SYNE2: variants seen among roughly 807,000 people sequenced by gnomAD.
SYNE2 encodes the protein nesprin-2.
A neutral mutation model predicts 856.3 loss-of-function variants in SYNE2; 431 were observed. The ratio of observed to expected loss-of-function variants is 0.50; its 90% CI spans 0.47 to 0.55. The LOEUF (loss-of-function observed/expected upper bound fraction) is 0.55. SYNE2 is among the 20% of genes least tolerant of loss of function. The pLI is 0.00. For synonymous variants in SYNE2, 2,923 were observed against 2,872.3 expected, an observed-to-expected ratio of 1.02 and a Z score of -0.56; for missense variants, 8,129 against 8,023.2, an observed-to-expected ratio of 1.01 and a Z score of -0.50.
chr14:63,992,998 C>G (rs1279387043), intron 21 of SYNE2, among the ~76,000 whole-genome samples: 3 of 152,208 alleles, frequency 2.0e-5, no homozygotes, highest in Non-Finnish European at 4.4e-5. Context: ...AGGCCCCGAC[C>G]TGTTTTTTTG....
intron 2 of SYNE2, among the ~76,000 whole-genome samples, chr14:63,927,397 G>A (rs1489702195): frequency 2.0e-5 from 3 of 152,100 alleles, no homozygotes; most frequent in Non-Finnish European, 4.4e-5. Flanking sequence ...GTTTGGCCAT[G>A]TCCCCACCCA....
At chr14:64,019,516 T>C (rs72718378) in intron 34 of SYNE2, among the ~76,000 whole-genome samples, 2,146 of 152,338 alleles carry the variant, frequency 0.014, 21 homozygotes, top group Non-Finnish European at 0.022. Flanking sequence ...AACTATGATT[T>C]TCTAAGTATA....
rs1472810431 is a variant in SYNE2, at chr14:63,998,969, A to G, written c.3409A>G (p.Ile1137Val). Residue 1137 changes from isoleucine (I) to valine (V), a missense_variant, in exon 27 of 116, where the codon ATT (isoleucine) becomes GTT (valine). By Grantham distance (29) the Ile-to-Val change is conservative. Coordinates refer to ENST00000555002, the MANE Select transcript of SYNE2 (RefSeq NM_182914.3). Reference protein sequence around the residue: ...EHHLQNNKFRITSDFSSEEDR... With the variant: ...EHHLQNNKFRVTSDFSSEEDR... ...CCACCTGCAAAACAACAAATTCAGG[A>G]TTACTTCTGATTTCTCTAGTGAAGA... The G allele has an allele frequency of 6.2e-7, 1 of 1,613,966 alleles. No individual in the cohort carries two copies. The highest frequency in any genetic ancestry group is 8.5e-7 in the Non-Finnish European group (1 of 1,179,928).
In SYNE2 at chr14:64,090,903, T is replaced by C; in HGVS notation, c.11831T>C (p.Ile3944Thr). The change falls in exon 60 of 116, where the codon ATT becomes ACT. Residue 3944 changes from isoleucine to threonine, a missense_variant. Ile to Thr is a moderately conservative substitution (Grantham distance 89). This residue lies in a region of SYNE2 where 5,410 missense variants were observed against 5,284.8 expected (regional missense o/e 1.02). Coordinates refer to ENST00000555002, the MANE Select transcript of SYNE2 (RefSeq NM_182914.3). The part of the protein sequence containing the change: ...LENIRPMKKT[I>T]AEIVSYQVEL... ...AATATACGTCCCATGAAGAAAACCA[T>C]TGCTGAGATAGTGTCTTACCAAGTG... is the stretch of plus-strand genomic sequence containing the variant. 6.2e-7 allele frequency: 1 copy of C among 1,614,130 alleles called. No homozygotes were observed. Among genetic ancestry groups the C allele is most frequent in the South Asian group, 1.1e-5 (1 of 91,082 alleles).
chr14:63,933,698 C>CT (rs985925040), intron 2 of SYNE2, among the ~76,000 whole-genome samples: 5 of 152,090 alleles, frequency 3.3e-5, no homozygotes, highest in Non-Finnish European at 7.4e-5. Context: ...ATTCCCTTAG[C>CT]TTTTTTACAG....
intron 1 of SYNE2, among the ~76,000 whole-genome samples, chr14:63,869,603 T>C (rs961542316): frequency 2.2e-5 from 3 of 137,586 alleles, no homozygotes; most frequent in Non-Finnish European, 4.5e-5. Flanking sequence ...GCCACTGCAC[T>C]TGAGCCTGGG....
chr14:63,963,963 A>G lies in SYNE2; in HGVS notation c.953A>G (p.Lys318Arg). The G allele has an allele frequency of 6.2e-7, 1 of 1,611,542 alleles. No individual in the cohort carries two copies. Among genetic ancestry groups the G allele is most frequent in the Non-Finnish European group, 8.5e-7 (1 of 1,177,878 alleles). The change falls in exon 10 of 116, where the codon AAG (lysine) becomes AGG (arginine). Residue 318 changes from lysine (K) to arginine (R), a missense_variant. Lys to Arg is a conservative substitution (Grantham distance 26). Transcript: ENST00000555002. ...AAGGAAAAACTACAGAAGTTGCTAA[A>G]GGATTCAGAGAATGATACCTACTTT... The part of the protein sequence containing the change: ...LQKEKLQKLL[K>R]DSENDTYFKK...
intron 110 of SYNE2, among the ~76,000 whole-genome samples, chr14:64,219,852 C>T: frequency 6.6e-6 from 1 of 152,152 alleles, no homozygotes; most frequent in East Asian, 1.9e-4. Context: ...GTGGCCTGAC[C>T]TCATTACCCT....
Position 64,174,947 on chromosome 14 carries a change from A to G in SYNE2, c.17239A>G (p.Lys5747Glu), listed in dbSNP as rs1432718950. Residue 5747 changes from lysine (K) to glutamate (E), a missense_variant, in exon 95 of 116, where the codon AAA becomes GAA. By Grantham distance (56) the Lys-to-Glu change is moderately conservative. Around this residue, in one of 3 missense-constraint regions of SYNE2, gnomAD observed 5,410 missense variants for 5,284.8 expected, o/e 1.02. Transcript: ENST00000555002. ...TRSLIHELKNKEIHFQRRRTT... is the reference protein window; with the variant it reads ...TRSLIHELKNEEIHFQRRRTT... ...TTACTTCTCTTTTTTTTCTTAGAAT[A>G]AAGAAATTCATTTTCAAAGGAGGCG... 1.9e-6 allele frequency: 3 copies of G among 1,613,742 alleles called. No homozygotes were observed. The African/African-American group carries it at 4.0e-5, about 22-fold the overall frequency.
chr14:64,200,380 C>T (rs187881556), intron 99 of SYNE2, among the ~76,000 whole-genome samples: 1,762 of 152,270 alleles, frequency 0.012, 11 homozygotes, highest in South Asian at 0.037. Flanking sequence ...GGCTGGGCCT[C>T]TTCTCCAGCA....
At chr14:63,910,622 G>A (rs1272159199) in intron 2 of SYNE2, among the ~76,000 whole-genome samples, 1 of 152,204 alleles carries the variant, frequency 6.6e-6, no homozygotes, top group East Asian at 1.9e-4. Flanking sequence ...CAATAAGTAG[G>A]TAAATCAGAT....
intron 1 of SYNE2, among the ~76,000 whole-genome samples, chr14:63,895,193 C>T (rs2095226053): frequency 6.6e-6 from 1 of 151,636 alleles, no homozygotes; most frequent in Non-Finnish European, 1.5e-5. Flanking sequence ...CAACCTCCGC[C>T]TCCTGGGTTC....
intron 1 of SYNE2, among the ~76,000 whole-genome samples, chr14:63,894,664 T>A (rs2095214741): frequency 6.6e-6 from 1 of 152,198 alleles, no homozygotes; most frequent in Admixed American, 6.5e-5. Context: ...GAAGGCAGAA[T>A]AAGTATATTC....
intron 111 of SYNE2, 65 bp downstream of exon 111, chr14:64,220,702 A>G: frequency 7.6e-6 from 12 of 1,569,492 alleles, no homozygotes; most frequent in Non-Finnish European, 9.6e-6. Context: ...GGAGCAGCAG[A>G]TATTTTTATC....
intron 38 of SYNE2, chr14:64,023,360 G>A (rs1387105819): frequency 6.3e-6 from 1 of 158,450 alleles, no homozygotes; most frequent in Admixed American, 6.2e-5. Flanking sequence ...TCTATTTATT[G>A]GGTGTGTGTA....
At chr14:64,051,427 AT>A in intron 47 of SYNE2, 129 bp from the exon 48 acceptor site, 1 of 876,818 alleles carries the variant, frequency 1.1e-6, no homozygotes. Flanking sequence ...AGGATAGATT[AT>A]TTTTACAGAC....
chr14:64,170,682 C>G (rs2098406427), intron 94 of SYNE2, among the ~76,000 whole-genome samples: 1 of 152,058 alleles, frequency 6.6e-6, no homozygotes, highest in Non-Finnish European at 1.5e-5. Context: ...TACTAGGGTT[C>G]TCTTGGGCCA....
At chr14:63,845,121 C>A (rs1321957482) in intron 1 of SYNE2, among the ~76,000 whole-genome samples, 3 of 152,028 alleles carry the variant, frequency 2.0e-5, no homozygotes, top group Non-Finnish European at 4.4e-5. Context: ...TAAATCTAGG[C>A]TTTCAAATGT....
chr14:63,924,794 C>CCATTAAAGA (rs1425897326), intron 2 of SYNE2, among the ~76,000 whole-genome samples: 1 of 133,922 alleles, frequency 7.5e-6, no homozygotes, highest in Admixed American at 8.2e-5. Flanking sequence ...CATGTCATTG[C>CCATTAAAGA]CATTAAAGAC....
Sources: gnomAD v4.1 joint callset for allele counts (sites outside exome capture counted in the v4.1 genomes callset) on GRCh38, gnomAD v4.1.1 for gene constraint, gnomAD v4.1.1 regional missense constraint, MANE v1.5 for transcripts, NCBI Gene and HGNC (gene_info 2026-07-23, HGNC 2026-07-21) for gene names.